Variants in CDH6 observed in about 807,000 individuals in gnomAD.
CDH6 encodes cadherin-6.
A neutral mutation model predicts 78.0 loss-of-function variants in CDH6; 31 were observed. That is an observed-to-expected ratio of 0.40 (90% CI 0.30 to 0.54). The LOEUF (loss-of-function observed/expected upper bound fraction) is 0.54, where lower values mean the gene tolerates loss of function less well. Among genes scored for constraint, CDH6 ranks in the 20% least tolerant of loss-of-function variants. The pLI is 0.56. For missense variants in CDH6, 724 were observed against 975.9 expected (o/e 0.74, Z 3.44); for synonymous variants, 376 against 368.8 (o/e 1.02, Z -0.23).
chr5:31,289,059 T>C (rs141383273), intron 2 of CDH6, among the ~76,000 whole-genome samples: 1 of 152,264 alleles, frequency 6.6e-6, no homozygotes, highest in Non-Finnish European at 1.5e-5. Context: ...GTTGGGCCTC[T>C]AGTGTACCTA....
chr5:31,313,828 G>A (rs977115201), intron 8 of CDH6, among the ~76,000 whole-genome samples: 2 of 152,138 alleles, frequency 1.3e-5, no homozygotes, highest in African/African-American at 4.8e-5. Flanking sequence ...GAGGGGTCAA[G>A]TATATTGTAA....
At chr5:31,263,669 G>A (rs1162492321) in intron 1 of CDH6, among the ~76,000 whole-genome samples, 1 of 152,018 alleles carries the variant, frequency 6.6e-6, no homozygotes, top group Non-Finnish European at 1.5e-5. Flanking sequence ...ATCCATTCAT[G>A]AGGGCAGAAA....
In CDH6 at chr5:31,294,310, G is replaced by A; in HGVS notation, c.523+54G>A. 1 of 1,457,374 alleles carries A rather than the reference G, an allele frequency of 6.9e-7. No individual in the cohort carries two copies. Among genetic ancestry groups the A allele is most frequent in the Non-Finnish European group, 9.4e-7 (1 of 1,059,728 alleles). 90.3% of individuals were successfully genotyped at this position (1,457,374 alleles called of 1,614,324 possible). A position where few individuals can be genotyped will look rare whatever the true frequency, so the allele number is the denominator to read the frequency against. On this transcript the variant is annotated intron_variant, in intron 3 of 11. Transcript: ENST00000265071. This position sits in a 1 kb window ranked among gnomAD's most constrained non-coding sequence, Gnocchi z 4.1. ...CTGGCTTTCCCCTAGTGCATCCACT[G>A]AGTAAGGAATCCCACGAGCTCAAAG...
chr5:31,264,277 A>C (rs1003614680), intron 1 of CDH6, among the ~76,000 whole-genome samples: 6 of 152,260 alleles, frequency 3.9e-5, no homozygotes, highest in African/African-American at 1.4e-4. Flanking sequence ...GATTCTATAC[A>C]TGCAATACAA....
At chr5:31,236,936 T>C (rs1251587286) in intron 1 of CDH6, among the ~76,000 whole-genome samples, 1 of 152,142 alleles carries the variant, frequency 6.6e-6, no homozygotes, top group South Asian at 2.1e-4. Context: ...GCTAATAGGA[T>C]GGTAAGGAGC....
chr5:31,205,463 T>C (rs1305121963), intron 1 of CDH6, among the ~76,000 whole-genome samples: 2 of 152,194 alleles, frequency 1.3e-5, no homozygotes, highest in Non-Finnish European at 2.9e-5. Flanking sequence ...GTATTCAACA[T>C]TGTTGCCTGA....
chr5:31,248,129 C>T (rs547831955), intron 1 of CDH6, among the ~76,000 whole-genome samples: 2 of 152,278 alleles, frequency 1.3e-5, no homozygotes, highest in South Asian at 4.2e-4. Flanking sequence ...ACACTATCCA[C>T]TCTGGCCAGG....
At chr5:31,318,999 T>G (rs1738403969) in intron 11 of CDH6, 1 of 208,296 alleles carries the variant, frequency 4.8e-6, no homozygotes. Context: ...GAAAGTATTT[T>G]AAGATATGCA....
At chr5:31,292,826 T>TATATATATATATATATATGTGTGC (rs1737427714) in intron 2 of CDH6, among the ~76,000 whole-genome samples, 1 of 67,406 alleles carries the variant, frequency 1.5e-5, no homozygotes, top group African/African-American at 6.7e-5. Flanking sequence ...TGTGTGCATA[T>TATATATATATATATATATGTGTGC]ATATATATAT....
intron 1 of CDH6, among the ~76,000 whole-genome samples, chr5:31,252,313 G>A (rs1026174832): frequency 1.9e-4 from 28 of 147,474 alleles, no homozygotes; most frequent in Non-Finnish European, 3.6e-4. Flanking sequence ...CTTTTAAGGT[G>A]TATTATGTGT....
intron 2 of CDH6, among the ~76,000 whole-genome samples, chr5:31,269,265 TA>T (rs58366711): frequency 0.49 from 68,427 of 138,272 alleles, 16,543 homozygotes; most frequent in East Asian, 0.58. Context: ...CACATATTCT[TA>T]AAAAAAAAAA....
chr5:31,229,577 A>T (rs180745928), intron 1 of CDH6, among the ~76,000 whole-genome samples: 1 of 152,218 alleles, frequency 6.6e-6, no homozygotes, highest in African/African-American at 2.4e-5. Flanking sequence ...GGCTAAACCA[A>T]TAAGTGGTTA....
At chr5:31,316,590 A>G (rs1469032865) in intron 9 of CDH6, among the ~76,000 whole-genome samples, 1 of 152,232 alleles carries the variant, frequency 6.6e-6, no homozygotes, top group Non-Finnish European at 1.5e-5. Flanking sequence ...CCTTTATTGG[A>G]AAAATCTTTA....
chr5:31,302,820 G>GA (rs1737829666), intron 6 of CDH6, among the ~76,000 whole-genome samples: 2 of 131,462 alleles, frequency 1.5e-5, no homozygotes, highest in African/African-American at 5.7e-5. Flanking sequence ...AAGAAAGAAA[G>GA]AAAGAAAGAA....
rs941819770 is a variant in CDH6, at chr5:31,322,915, C to T, written c.1980C>T (p.Asn660=). ...TCAGAGATAACATTGTCAGTTACAA[C>T]GACGAAGGTGGTGGAGAGGAGGACA... The part of the protein sequence containing the change: ...EDIRDNIVSY[N]DEGGGEEDTQ... The change falls in exon 12 of 12, where the codon AAC becomes AAT. Residue 660 remains asparagine (N), a synonymous_variant. Transcript: ENST00000265071. The T allele has an allele frequency of 2.0e-5, 33 of 1,614,006 alleles. No individual in the cohort carries two copies. Among genetic ancestry groups the T allele is most frequent in the Non-Finnish European group, 2.5e-5 (30 of 1,180,012 alleles).
chr5:31,309,005 A>G (rs1332066186), intron 7 of CDH6, among the ~76,000 whole-genome samples: 4 of 152,126 alleles, frequency 2.6e-5, no homozygotes, highest in Non-Finnish European at 5.9e-5. Flanking sequence ...TGCTATAAAT[A>G]TTTATCATTC....
At chr5:31,248,672 A>C (rs1172935387) in intron 1 of CDH6, among the ~76,000 whole-genome samples, 3 of 152,142 alleles carry the variant, frequency 2.0e-5, no homozygotes, top group Non-Finnish European at 4.4e-5. Flanking sequence ...CTCAACCATC[A>C]TAAAGCAATA....
At chr5:31,284,223 T>C (rs1742949639) in intron 2 of CDH6, among the ~76,000 whole-genome samples, 1 of 152,222 alleles carries the variant, frequency 6.6e-6, no homozygotes, top group African/African-American at 2.4e-5. Context: ...AAGCATTACT[T>C]GCAGCATGCT....
chr5:31,285,577 A>T, intron 2 of CDH6, among the ~76,000 whole-genome samples: 1 of 152,222 alleles, frequency 6.6e-6, no homozygotes, highest in South Asian at 2.1e-4. Context: ...GGTCAGACCA[A>T]TTAGTGTTTT....
Sources: allele counts gnomAD v4.1 joint callset (sites outside exome capture counted in the v4.1 genomes callset), GRCh38; gene constraint gnomAD v4.1.1; non-coding constraint Gnocchi (gnomAD v3.1); transcripts MANE v1.5; gene names NCBI Gene and HGNC (gene_info 2026-07-23, HGNC 2026-07-21).